FIGN: variants seen among roughly 807,000 people sequenced by gnomAD.
FIGN encodes the protein fidgetin, microtubule severing factor.
Under a neutral mutation model 51.3 loss-of-function variants are expected in FIGN, and 11 were observed. The observed-to-expected ratio is 0.21, with a 90% CI of 0.13 to 0.35. The LOEUF is 0.35. FIGN is among the 10% of genes least tolerant of loss of function. The pLI, the probability that FIGN is intolerant of heterozygous loss-of-function variation, is 1.00. For synonymous variants in FIGN, 407 were observed against 363.2 expected (o/e 1.12, Z -1.37); for missense variants, 857 against 943.6 (o/e 0.91, Z 1.20).
At chr2:163,714,521 G>A (rs902011867) in intron 2 of FIGN, among the ~76,000 whole-genome samples, 3 of 152,126 alleles carry the variant, frequency 2.0e-5, no homozygotes, top group African/African-American at 7.2e-5. Context: ...CAGGAATTCT[G>A]CCTCGTAAAT....
chr2:163,658,481 T>C (rs1683599598), intron 2 of FIGN, among the ~76,000 whole-genome samples: 1 of 151,924 alleles, frequency 6.6e-6, no homozygotes, highest in Non-Finnish European at 1.5e-5. Flanking sequence ...GAAAAAGGTT[T>C]ATTTGACTCA....
chr2:163,709,536 A>G (rs1228164093), intron 2 of FIGN, among the ~76,000 whole-genome samples: 1 of 152,098 alleles, frequency 6.6e-6, no homozygotes, highest in Non-Finnish European at 1.5e-5. Context: ...GTTTGGAAAT[A>G]TCTAGACTTT....
In FIGN at chr2:163,611,033, C is replaced by G. The variant is rs1394257020; in HGVS notation, c.799G>C (p.Ala267Pro). ...AVGSGYSPGGAPPPPSAYLPS... is the reference protein window; with the variant it reads ...AVGSGYSPGGPPPPPSAYLPS... The stretch of plus-strand genomic sequence containing the variant: ...AGGTACGCTGAAGGCGGAGGCGGTG[C>G]CCCCCCAGGGCTGTACCCAGACCCC... The change falls in exon 3 of 3, where the codon GCA becomes CCA. Residue 267 changes from alanine to proline, a missense_variant. Ala to Pro is a conservative substitution (Grantham distance 27, BLOSUM62 -1). Transcript: ENST00000333129. The G allele has an allele frequency of 5.0e-6, 8 of 1,613,698 alleles. No individual in the cohort carries two copies. In the South Asian group the frequency reaches 8.8e-5, roughly 18 times the overall value.
intron 2 of FIGN, among the ~76,000 whole-genome samples, chr2:163,726,804 A>C (rs1054581388): frequency 2.0e-5 from 3 of 152,100 alleles, no homozygotes; most frequent in Non-Finnish European, 4.4e-5. Context: ...CTTAGTTTGC[A>C]AACAATGAGA....
intron 2 of FIGN, among the ~76,000 whole-genome samples, chr2:163,654,730 A>G: frequency 6.6e-6 from 1 of 152,220 alleles, no homozygotes; most frequent in Non-Finnish European, 1.5e-5. Flanking sequence ...ATTGTTTATA[A>G]CACAAAGAAA....
intron 2 of FIGN, among the ~76,000 whole-genome samples, chr2:163,726,761 TG>T (rs1404988625): frequency 6.6e-6 from 1 of 152,128 alleles, no homozygotes; most frequent in Non-Finnish European, 1.5e-5. Context: ...CTTAGATCCA[TG>T]TAATTCCTAG....
At chr2:163,734,337 AC>A (rs1339445427) in intron 2 of FIGN, among the ~76,000 whole-genome samples, 1 of 144,430 alleles carries the variant, frequency 6.9e-6, no homozygotes, top group Non-Finnish European at 1.5e-5. Flanking sequence ...CTCTTCACTT[AC>A]CCGCCCCCCC....
At chr2:163,702,217 G>T (rs369978448) in intron 2 of FIGN, among the ~76,000 whole-genome samples, 1 of 152,028 alleles carries the variant, frequency 6.6e-6, no homozygotes, top group Non-Finnish European at 1.5e-5. Context: ...ACCTAGTTTT[G>T]CATTTTTAAT....
Position 163,611,460 on chromosome 2 carries a change from A to G in FIGN, c.372T>C (p.Val124=). ...CTTTGCTGGCAGTGATAACATCCGGAACACAGTTCATGGGATAAACAGCTT... is the reference window on the plus strand; with the variant it reads ...CTTTGCTGGCAGTGATAACATCCGGGACACAGTTCATGGGATAAACAGCTT... ...NSEAVYPMNC[V]PDVITASKAG... is the part of the protein sequence containing the mutation. The change falls in exon 3 of 3, where the codon GTT becomes GTC. Residue 124 remains valine (V), a synonymous_variant. Transcript: ENST00000333129. The G allele has an allele frequency of 6.2e-7, 1 of 1,614,176 alleles. No homozygotes were observed. Among genetic ancestry groups the G allele is most frequent in the Non-Finnish European group, 8.5e-7 (1 of 1,180,008 alleles).
intron 2 of FIGN, among the ~76,000 whole-genome samples, chr2:163,613,426 C>T (rs1235650208): frequency 2.0e-5 from 3 of 152,146 alleles, no homozygotes; most frequent in Non-Finnish European, 4.4e-5. Flanking sequence ...CTACCCCCTT[C>T]TGTGCTCTTC....
chr2:163,614,724 T>C (rs750851821), intron 2 of FIGN, among the ~76,000 whole-genome samples: 1 of 152,122 alleles, frequency 6.6e-6, no homozygotes, highest in Non-Finnish European at 1.5e-5. Context: ...TCCTTTCAGT[T>C]TGCTGAGCTA....
At chr2:163,682,601 G>A (rs1487520765) in intron 2 of FIGN, among the ~76,000 whole-genome samples, 1 of 152,174 alleles carries the variant, frequency 6.6e-6, no homozygotes, top group Non-Finnish European at 1.5e-5. Flanking sequence ...TATAAGGAGA[G>A]ACTTTGAGGC....
intron 2 of FIGN, among the ~76,000 whole-genome samples, chr2:163,693,455 G>T (rs766462687): frequency 6.6e-6 from 1 of 152,122 alleles, no homozygotes; most frequent in Admixed American, 6.6e-5. Context: ...AGACTCATGA[G>T]TGAATCAGCA....
chr2:163,723,856 G>A (rs2105364712), intron 2 of FIGN, among the ~76,000 whole-genome samples: 1 of 152,242 alleles, frequency 6.6e-6, no homozygotes, highest in South Asian at 2.1e-4. Flanking sequence ...CAATTAGTAA[G>A]CATATTTAAT....
chr2:163,647,356 G>A (rs1276600445), intron 2 of FIGN, among the ~76,000 whole-genome samples: 1 of 152,094 alleles, frequency 6.6e-6, no homozygotes, highest in East Asian at 1.9e-4. Context: ...GTTCCTCTCT[G>A]CATTAATTAA....
At chr2:163,713,703 G>A (rs962189042) in intron 2 of FIGN, among the ~76,000 whole-genome samples, 41 of 152,144 alleles carry the variant, frequency 2.7e-4, no homozygotes, top group African/African-American at 9.7e-4. Flanking sequence ...ACAGTGAGCC[G>A]GAGAATTTCC....
At chr2:163,676,116 C>G (rs2105336048) in intron 2 of FIGN, among the ~76,000 whole-genome samples, 1 of 151,538 alleles carries the variant, frequency 6.6e-6, no homozygotes, top group East Asian at 1.9e-4. Context: ...AGACTTAAGT[C>G]TGAATCCGTA....
chr2:163,719,672 C>T (rs563110753), intron 2 of FIGN, among the ~76,000 whole-genome samples: 54 of 152,090 alleles, frequency 3.6e-4, no homozygotes, highest in East Asian at 1.2e-3. Flanking sequence ...AGAAGAAAAC[C>T]TGTGGGGTAG....
In FIGN at chr2:163,689,918, AC is replaced by A. The variant is rs555742380; in HGVS notation, c.25+44984del. Among the ~76,000 whole-genome samples the A allele has an allele frequency of 1.8e-3, 278 of 152,310 alleles. 1 individual carries two copies. The highest frequency in any genetic ancestry group is 6.2e-3 in the African/African-American group (259 of 41,576). On this transcript the variant is annotated intron_variant, in intron 2 of 2. Transcript: ENST00000333129. ...AATACTCTCTAAAACCACAAGTGTA[AC>A]TAGAATACTTGTACTTGGTACCATA...
Sources: gnomAD v4.1 joint callset for allele counts (sites outside exome capture counted in the v4.1 genomes callset) on GRCh38, gnomAD v4.1.1 for gene constraint, MANE v1.5 for transcripts, NCBI Gene and HGNC (gene_info 2026-07-23, HGNC 2026-07-21) for gene names.